CSMD1: variants seen among roughly 807,000 people sequenced by gnomAD.
CSMD1 encodes the protein CUB and Sushi multiple domains 1.
CSMD1 carries 213 observed loss-of-function variants against 417.5 expected under a neutral mutation model. The ratio of observed to expected loss-of-function variants is 0.51; its 90% CI spans 0.46 to 0.57. CSMD1 has a LOEUF of 0.57. Among genes scored for constraint, CSMD1 ranks in the 20% least tolerant of loss-of-function variants. CSMD1 has a pLI of 0.00. For missense variants in CSMD1, 6,923 were observed against 4,529.7 expected (o/e 1.53, Z -15.17); for synonymous variants, 2,862 against 1,736.8 (o/e 1.65, Z -16.11).
intron 1 of CSMD1, among the ~76,000 whole-genome samples, chr8:4,642,879 G>C (rs1775989854): frequency 6.6e-6 from 1 of 152,156 alleles, no homozygotes; most frequent in Non-Finnish European, 1.5e-5. Flanking sequence ...AGAAAGATGT[G>C]GACTATACTG....
chr8:3,950,170 A>G (rs1811510311), intron 5 of CSMD1, among the ~76,000 whole-genome samples: 1 of 152,172 alleles, frequency 6.6e-6, no homozygotes, highest in East Asian at 1.9e-4. Flanking sequence ...AAGAAAGGTA[A>G]ACCACAAGAC....
At chr8:3,439,309 A>ATATATATATATATATATATATTT in intron 12 of CSMD1, among the ~76,000 whole-genome samples, 39 of 62,404 alleles carry the variant, frequency 6.2e-4, no homozygotes, top group East Asian at 1.7e-3. Flanking sequence ...ATATATATAT[A>ATATATATATATATATATATATTT]TTTTTTTTTT....
chr8:4,270,069 TGAG>T (rs1804486191), intron 3 of CSMD1, among the ~76,000 whole-genome samples: 1 of 152,192 alleles, frequency 6.6e-6, no homozygotes. Flanking sequence ...GAAAAGCTTC[TGAG>T]GAGAGAAACA....
intron 3 of CSMD1, among the ~76,000 whole-genome samples, chr8:4,181,712 C>G (rs984564666): frequency 6.8e-6 from 1 of 147,450 alleles, no homozygotes; most frequent in Admixed American, 7.0e-5. Context: ...ATAATCTCCC[C>G]TCAGAAATTC....
intron 38 of CSMD1, among the ~76,000 whole-genome samples, chr8:3,159,981 T>G (rs1223722738): frequency 6.6e-6 from 1 of 152,170 alleles, no homozygotes. Context: ...TTTGGGAATT[T>G]GAGGGAGAAT....
intron 5 of CSMD1, among the ~76,000 whole-genome samples, chr8:3,853,033 C>T (rs906866646): frequency 1.3e-5 from 2 of 152,134 alleles, no homozygotes; most frequent in African/African-American, 4.8e-5. Flanking sequence ...ACTACATCTC[C>T]CGTCCTCATG....
chr8:4,341,526 A>C (rs1800477582), intron 3 of CSMD1, among the ~76,000 whole-genome samples: 2 of 152,130 alleles, frequency 1.3e-5, no homozygotes, highest in African/African-American at 4.8e-5. Flanking sequence ...TCTAGGAAGC[A>C]AACCCATGGA....
chr8:3,980,980 C>G (rs978780144), intron 5 of CSMD1, among the ~76,000 whole-genome samples: 1 of 152,176 alleles, frequency 6.6e-6, no homozygotes, highest in Non-Finnish European at 1.5e-5. Flanking sequence ...TCACCTTTCC[C>G]CACCTTTGTA....
intron 3 of CSMD1, among the ~76,000 whole-genome samples, chr8:4,416,396 A>C (rs1417472544): frequency 6.6e-6 from 1 of 152,136 alleles, no homozygotes; most frequent in Non-Finnish European, 1.5e-5. Context: ...CCAATATTTA[A>C]ATTATTGAAG....
intron 8 of CSMD1, among the ~76,000 whole-genome samples, chr8:3,612,107 A>G (rs1194500032): frequency 1.3e-5 from 2 of 152,158 alleles, no homozygotes; most frequent in Non-Finnish European, 2.9e-5. Context: ...CATATATAAC[A>G]ATCCATATAT....
At chr8:4,150,415 T>G (rs1312010118) in intron 3 of CSMD1, among the ~76,000 whole-genome samples, 1 of 152,212 alleles carries the variant, frequency 6.6e-6, no homozygotes. Context: ...TCTCTTATCT[T>G]TGGATGGCAG....
intron 3 of CSMD1, among the ~76,000 whole-genome samples, chr8:4,192,202 T>G (rs1301587350): frequency 6.6e-6 from 1 of 152,168 alleles, no homozygotes; most frequent in African/African-American, 2.4e-5. Context: ...AAAATCAAAG[T>G]TAAAACAGCA....
intron 3 of CSMD1, among the ~76,000 whole-genome samples, chr8:4,194,548 T>C (rs1043266102): frequency 1.3e-5 from 2 of 152,166 alleles, no homozygotes; most frequent in Non-Finnish European, 2.9e-5. Flanking sequence ...ATTATAATGT[T>C]GGCAACAGCA....
intron 1 of CSMD1, among the ~76,000 whole-genome samples, chr8:4,643,934 G>A (rs993480960): frequency 6.6e-6 from 1 of 152,184 alleles, no homozygotes; most frequent in African/African-American, 2.4e-5. Flanking sequence ...AGATCACCTG[G>A]AGCTACTGAC....
intron 2 of CSMD1, among the ~76,000 whole-genome samples, chr8:4,506,522 T>G (rs978762250): frequency 6.6e-6 from 1 of 152,008 alleles, no homozygotes; most frequent in Admixed American, 6.6e-5. Flanking sequence ...GAGGCGGGGT[T>G]GGGGATGGGA....
At chr8:3,484,999 G>A (rs910802472) in intron 11 of CSMD1, among the ~76,000 whole-genome samples, 1 of 152,138 alleles carries the variant, frequency 6.6e-6, no homozygotes, top group Non-Finnish European at 1.5e-5. Flanking sequence ...GAAAACAGCT[G>A]AGCAGTTTCC....
chr8:3,201,096 TA>T (rs1796967754), intron 32 of CSMD1, among the ~76,000 whole-genome samples: 2 of 152,158 alleles, frequency 1.3e-5, no homozygotes, highest in South Asian at 4.1e-4. Flanking sequence ...AAGAATGGGA[TA>T]AAAATAAGTT....
chr8:3,530,808 C>T (rs189172996), intron 10 of CSMD1, among the ~76,000 whole-genome samples: 2 of 151,240 alleles, frequency 1.3e-5, no homozygotes, highest in East Asian at 2.0e-4. Context: ...CTATTACAGG[C>T]ATGAGCCACC....
At chr8:2,975,564 T>C (rs151181371) in intron 55 of CSMD1, among the ~76,000 whole-genome samples, 1,948 of 152,294 alleles carry the variant, frequency 0.013, 27 homozygotes, top group Admixed American at 0.027. Flanking sequence ...CTTTCTGTCT[T>C]ACATGGACAT....
Sources: allele counts gnomAD v4.1 joint callset (sites outside exome capture counted in the v4.1 genomes callset), GRCh38; gene constraint gnomAD v4.1.1; transcripts MANE v1.5; gene names NCBI Gene and HGNC (gene_info 2026-07-23, HGNC 2026-07-21).